KLHL2: variants seen among roughly 807,000 people sequenced by gnomAD.
KLHL2 encodes the protein kelch like family member 2.
In KLHL2, 15 loss-of-function variants were observed where a neutral mutation model predicts 75.8. That is an observed-to-expected ratio of 0.20 (90% CI 0.13 to 0.30). The LOEUF (loss-of-function observed/expected upper bound fraction) is 0.30, where lower values mean the gene tolerates loss of function less well. Among genes scored for constraint, KLHL2 ranks in the 10% least tolerant of loss-of-function variants. The pLI is 1.00. For missense variants in KLHL2, 381 were observed against 741.0 expected (o/e 0.51, Z 5.64); for synonymous variants, 214 against 251.9 (o/e 0.85, Z 1.42).
rs565039902 is a variant in KLHL2 at position 165,291,679 on chromosome 4, G to A, written c.545-2680G>A. Among the ~76,000 whole-genome samples the A allele has an allele frequency of 9.9e-5, 15 of 152,074 alleles. 1 individual carries two copies. Among genetic ancestry groups the A allele is most frequent in the Admixed American group, 2.6e-4 (4 of 15,278 alleles). Reference sequence around the variant, plus strand: ...TCTGGGCTCTCTATTCTGTTGTGTCGACCTACAGTCATCCCTTGGTATCCA... The same window carrying A: ...TCTGGGCTCTCTATTCTGTTGTGTCAACCTACAGTCATCCCTTGGTATCCA... On this transcript the variant is annotated intron_variant, in intron 5 of 14. Transcript: ENST00000226725.
At chr4:165,237,403 A>T (rs1407854564) in intron 3 of KLHL2, among the ~76,000 whole-genome samples, 1 of 149,682 alleles carries the variant, frequency 6.7e-6, no homozygotes, top group East Asian at 2.0e-4. Flanking sequence ...TTCCCTTGTC[A>T]TACAAAGAGA....
At chr4:165,307,302 C>T (rs1039129602) in intron 9 of KLHL2, among the ~76,000 whole-genome samples, 5 of 151,818 alleles carry the variant, frequency 3.3e-5, no homozygotes, top group African/African-American at 9.7e-5. Context: ...AGTGAGACTC[C>T]GTCTCAAAAA....
chr4:165,237,202 C>G (rs992885637), intron 3 of KLHL2, among the ~76,000 whole-genome samples: 25 of 152,218 alleles, frequency 1.6e-4, no homozygotes, highest in African/African-American at 5.1e-4. Flanking sequence ...TCACAGGATC[C>G]AGCAAGAATA....
At chr4:165,282,074 T>C (rs140953330) in intron 5 of KLHL2, among the ~76,000 whole-genome samples, 1,824 of 152,180 alleles carry the variant, frequency 0.012, 24 homozygotes, top group Non-Finnish European at 0.017. Context: ...ATAATTGAGG[T>C]TGGTAATAGC....
At chr4:165,243,355 A>G (rs1057278015) in intron 4 of KLHL2, among the ~76,000 whole-genome samples, 1 of 152,256 alleles carries the variant, frequency 6.6e-6, no homozygotes, top group African/African-American at 2.4e-5. Flanking sequence ...GTTAATAAAC[A>G]GTGCCCATGA....
At chr4:165,259,903 A>G (rs1424149542) in intron 4 of KLHL2, among the ~76,000 whole-genome samples, 1 of 151,950 alleles carries the variant, frequency 6.6e-6, no homozygotes, top group East Asian at 1.9e-4. Context: ...CATCACACAA[A>G]TTAGAAGGTT....
intron 6 of KLHL2, among the ~76,000 whole-genome samples, chr4:165,297,120 T>A (rs906800679): frequency 1.3e-5 from 2 of 152,214 alleles, no homozygotes; most frequent in African/African-American, 4.8e-5. Context: ...AGAAGAAAAT[T>A]ATGTAGACAA....
At position 165,219,997 on chromosome 4, in the gene KLHL2, C is replaced by T; in HGVS notation, c.90C>T (p.Cys30=). 1 of 1,613,600 alleles carries T rather than the reference C, an allele frequency of 6.2e-7. No homozygotes were observed. Among genetic ancestry groups the T allele is most frequent in the South Asian group, 1.1e-5 (1 of 91,024 alleles). Residue 30 remains cysteine (C), a synonymous_variant, in exon 2 of 15, where the codon TGC becomes TGT. Transcript: ENST00000226725. The part of the protein sequence containing the change: ...DSKDDNTEKH[C]PVTVNPWHMK... ...AAGATGATAATACCGAAAAACACTG[C>T]CCAGTGACAGTGAATCCTTGGCATA...
chr4:165,264,825 G>A lies in KLHL2; in HGVS notation c.544+1466G>A, dbSNP rs183498325. Among the ~76,000 whole-genome samples the A allele has an allele frequency of 6.1e-4, 88 of 145,090 alleles. 1 individual carries two copies. The East Asian group carries it at 0.016, about 27-fold the overall frequency. ...AGGTTGATTCCATATCTTTGCAATT[G>A]TGAATTGTACTGTGATAAACATACA... is the stretch of plus-strand genomic sequence containing the variant. On this transcript the variant is annotated intron_variant, in intron 5 of 14. Transcript: ENST00000226725.
rs777208122 is a variant in KLHL2 at position 165,311,446 on chromosome 4, T to C, written c.1238-18T>C. ...ATTTTTTAGAGAAGGAAATGAAGAC[T>C]ATTGTGCTTTATTATAGGTTTGTCA... On this transcript the variant is annotated intron_variant, in intron 10 of 14. Coordinates refer to ENST00000226725, the MANE Select transcript of KLHL2 (RefSeq NM_007246.4). 2 of 1,539,194 alleles carry C rather than the reference T, an allele frequency of 1.3e-6. No individual in the cohort carries two copies. Among genetic ancestry groups the C allele is most frequent in the Admixed American group, 3.4e-5 (2 of 58,258 alleles).
At chr4:165,266,128 G>T (rs181197482) in intron 5 of KLHL2, among the ~76,000 whole-genome samples, 1 of 152,280 alleles carries the variant, frequency 6.6e-6, no homozygotes, top group East Asian at 1.9e-4. Flanking sequence ...CTTTTGAGAA[G>T]TGTCTGTTTA....
chr4:165,311,658 A>C (rs1011008664), intron 11 of KLHL2, 93 bp downstream of exon 11: 3 of 797,340 alleles, frequency 3.8e-6, no homozygotes, highest in Non-Finnish European at 4.2e-6. Flanking sequence ...CTGAATGGGC[A>C]AGCTAATTAT....
chr4:165,312,056 C>G (rs1162044931), intron 11 of KLHL2, among the ~76,000 whole-genome samples: 1 of 152,082 alleles, frequency 6.6e-6, no homozygotes, highest in African/African-American at 2.4e-5. Context: ...AGTGCACAAC[C>G]TAGGTCCCTC....
At chr4:165,264,585 C>CAT (rs55960426) in intron 5 of KLHL2, among the ~76,000 whole-genome samples, 5,684 of 129,134 alleles carry the variant, frequency 0.044, 124 homozygotes, top group Admixed American at 0.071. Context: ...AGTATTCCAT[C>CAT]ATATATATAT....
intron 4 of KLHL2, among the ~76,000 whole-genome samples, chr4:165,241,701 A>G (rs769610332): frequency 3.3e-5 from 5 of 152,220 alleles, no homozygotes; most frequent in Non-Finnish European, 7.3e-5. Flanking sequence ...AGGTCCAGCC[A>G]TCTGTTGGCA....
intron 1 of KLHL2, among the ~76,000 whole-genome samples, chr4:165,215,933 AC>A (rs1737507894): frequency 6.6e-6 from 1 of 151,944 alleles, no homozygotes; most frequent in East Asian, 1.9e-4. Flanking sequence ...GGCTTGTGTG[AC>A]TCTTCATGTG....
At chr4:165,222,733 A>G (rs1738103601) in intron 2 of KLHL2, among the ~76,000 whole-genome samples, 1 of 152,224 alleles carries the variant, frequency 6.6e-6, no homozygotes, top group African/African-American at 2.4e-5. Flanking sequence ...GCTGAAAATC[A>G]TTAATTATTT....
intron 5 of KLHL2, among the ~76,000 whole-genome samples, chr4:165,286,227 G>T (rs115500201): frequency 0.011 from 1,701 of 152,232 alleles, 25 homozygotes; most frequent in African/African-American, 0.036. Context: ...GGTTTTAGAG[G>T]ACTGCTTGTA....
Position 165,295,308 on chromosome 4 carries a change from T to G in KLHL2, c.654+840T>G, listed in dbSNP as rs569038388. ...GATTCTCTTTCTCAAGGCTATTCAT[T>G]TCACCTGGGGTTAAAGACACATTTA... On this transcript the variant is annotated intron_variant, in intron 6 of 14. Coordinates refer to ENST00000226725, the MANE Select transcript of KLHL2 (RefSeq NM_007246.4). Among the ~76,000 whole-genome samples, 3 of 152,338 alleles carry G rather than the reference T, an allele frequency of 2.0e-5. No individual in the cohort carries two copies. The South Asian group carries it at 6.2e-4, about 32-fold the overall frequency.
Sources: allele counts gnomAD v4.1 joint callset (sites outside exome capture counted in the v4.1 genomes callset), GRCh38; gene constraint gnomAD v4.1.1; transcripts MANE v1.5; gene names NCBI Gene and HGNC (gene_info 2026-07-23, HGNC 2026-07-21).